MTRR: variants seen among roughly 807,000 people sequenced by gnomAD.
MTRR encodes methionine synthase reductase.
In MTRR, 63 loss-of-function variants were observed where a neutral mutation model predicts 79.2. That is an observed-to-expected ratio of 0.80 (90% confidence interval 0.65 to 0.98). The LOEUF (loss-of-function observed/expected upper bound fraction) is 0.98. Ranked by LOEUF, MTRR falls within the 50% of genes least tolerant of loss-of-function variation. MTRR has a pLI of 0.00. For missense variants in MTRR, 895 were observed against 839.6 expected (o/e 1.07, Z -0.82); for synonymous variants, 355 against 313.3 (o/e 1.13, Z -1.41).
At chr5:7,885,979 C>G in intron 7 of MTRR, 125 bp downstream of exon 7, 1 of 1,282,680 alleles carries the variant, frequency 7.8e-7, no homozygotes, top group South Asian at 1.2e-5. Context: ...GGCTCAGCTG[C>G]GCATCAAGGT....
upstream of MTRR, chr5:7,850,970 TG>T (rs1393397305): frequency 7.6e-7 from 1 of 1,320,534 alleles, no homozygotes; most frequent in East Asian, 2.9e-5. Flanking sequence ...GGCGGCGGCC[TG>T]GGCTTGCCCC....
chr5:7,869,133 C>T, upstream of MTRR: 1 of 1,613,478 alleles, frequency 6.2e-7, no homozygotes, highest in South Asian at 1.1e-5. Flanking sequence ...GGGTACCGAG[C>T]ATGGGCGCTG....
In MTRR at chr5:7,896,947, A is replaced by T. The variant is rs773855624; in HGVS notation, c.1760A>T (p.Tyr587Phe). Residue 587 changes from tyrosine to phenylalanine, a missense_variant, in exon 13 of 15, where the codon TAT becomes TTT. By Grantham distance (22) the Tyr-to-Phe change is conservative. Coordinates refer to ENST00000440940, the MANE Select transcript of MTRR (RefSeq NM_002454.3). ...GGCTGCAGGCATAAGGATAGGGATT[A>T]TCTATTCAGGTATTGTACAATTCCA... is the stretch of plus-strand genomic sequence containing the variant. ...FFGCRHKDRD[Y>F]LFRKELRHFL... 6.2e-7 allele frequency: 1 copy of T among 1,614,074 alleles called. No homozygotes were observed. Among genetic ancestry groups the T allele is most frequent in the Admixed American group, 1.7e-5 (1 of 60,026 alleles).
intron 5 of MTRR, among the ~76,000 whole-genome samples, 157 bp from the exon 6 acceptor site, chr5:7,882,998 G>A (rs374717267): frequency 1.3e-5 from 2 of 152,286 alleles, no homozygotes. Context: ...CTTCTGAAAA[G>A]CTAGCTCCAT....
At chr5:7,887,881 A>T (rs1467593174) in intron 8 of MTRR, among the ~76,000 whole-genome samples, 1 of 146,256 alleles carries the variant, frequency 6.8e-6, no homozygotes. Context: ...GGATACAGAA[A>T]TAACCCAGGA....
At chr5:7,869,430 G>A (rs1031862411) in intron 1 of MTRR, 32 of 579,662 alleles carry the variant, frequency 5.5e-5, no homozygotes, top group Non-Finnish European at 7.3e-5. Context: ...CCTTGGGCTC[G>A]GCGTCGGCCT....
In MTRR at chr5:7,889,091, G is replaced by T; in HGVS notation, c.1147-4G>T. ...CACAATTTAAGGCGGGCTCCTTTTT[G>T]TAGGCATTTTTGCGAGCCCTTGTGG... On this transcript the variant is annotated splice_region_variant and splice_polypyrimidine_tract_variant and intron_variant, in intron 8 of 14. Transcript: ENST00000440940. The T allele has an allele frequency of 6.2e-7, 1 of 1,614,072 alleles. No homozygotes were observed. The highest frequency in any genetic ancestry group is 2.2e-5 in the East Asian group (1 of 44,878).
chr5:7,892,131 C>T (rs1172297194), intron 10 of MTRR, among the ~76,000 whole-genome samples: 2 of 152,198 alleles, frequency 1.3e-5, no homozygotes, highest in African/African-American at 4.8e-5. Context: ...TACCGTTTTC[C>T]CGTCTGGCTC....
At chr5:7,853,235 C>T (rs1370132560) in intron 1 of MTRR, among the ~76,000 whole-genome samples, 1 of 152,138 alleles carries the variant, frequency 6.6e-6, no homozygotes, top group African/African-American at 2.4e-5. Context: ...CTCACAGGAT[C>T]TGATGGTTTT....
Position 7,886,673 on chromosome 5 carries a change from G to A in MTRR, c.1116G>A (p.Trp372Ter). Residue 372 changes from tryptophan (W) to a stop codon, truncating the protein, a stop_gained, in exon 8 of 15, where the codon TGG becomes TGA. Coordinates refer to ENST00000440940, the MANE Select transcript of MTRR (RefSeq NM_002454.3). LOFTEE classifies it high-confidence loss of function. The part of the protein sequence containing the change: ...AGCSLQFIFT[W>*]CLEIRAIPKK... ...GTTCTCTCCAGTTCATTTTTACCTG[G>A]TGTCTTGAAATCCGAGCAATTCCTA... is the stretch of plus-strand genomic sequence containing the variant. The A allele has an allele frequency of 5.6e-6, 9 of 1,613,786 alleles. No homozygotes were observed. The highest frequency in any genetic ancestry group is 7.6e-6 in the Non-Finnish European group (9 of 1,179,794).
At chr5:7,865,853 C>G (rs371910336), upstream of MTRR, 16 of 1,426,142 alleles carry the variant, frequency 1.1e-5, no homozygotes, top group Non-Finnish European at 1.4e-5. Context: ...TAAAAGGAAA[C>G]TGCACCCATG....
At chr5:7,867,343 T>G (rs1343135814), upstream of MTRR, 5 of 1,613,970 alleles carry the variant, frequency 3.1e-6, no homozygotes, top group Non-Finnish European at 4.2e-6. Flanking sequence ...ATGTTTCCAA[T>G]TTTTCACCTT....
At chr5:7,875,852 T>G (rs1363357551) in intron 4 of MTRR, among the ~76,000 whole-genome samples, 1 of 152,246 alleles carries the variant, frequency 6.6e-6, no homozygotes, top group African/African-American at 2.4e-5. Flanking sequence ...GAACGGCCAT[T>G]TGCCACCATG....
intron 1 of MTRR, among the ~76,000 whole-genome samples, chr5:7,859,750 A>G (rs1746397142): frequency 1.3e-5 from 2 of 152,240 alleles, no homozygotes; most frequent in African/African-American, 4.8e-5. Flanking sequence ...TATTTGATGA[A>G]TTAATATGTA....
upstream of MTRR, chr5:7,866,715 G>A: frequency 6.2e-7 from 1 of 1,612,844 alleles, no homozygotes; most frequent in Non-Finnish European, 8.5e-7. Context: ...CATTCATTAA[G>A]TGAACATGAA....
At chr5:7,880,567 A>G (rs972192172) in intron 5 of MTRR, among the ~76,000 whole-genome samples, 2 of 152,166 alleles carry the variant, frequency 1.3e-5, no homozygotes, top group African/African-American at 4.8e-5. Flanking sequence ...TGGAGATACG[A>G]TAGAGACCAT....
chr5:7,878,249 C>T lies in MTRR; in HGVS notation c.707C>T (p.Ser236Leu), dbSNP rs765634416. The T allele has an allele frequency of 2.1e-5, 34 of 1,614,112 alleles. No homozygotes were observed. Among genetic ancestry groups the T allele is most frequent in the Non-Finnish European group, 2.8e-5 (33 of 1,180,046 alleles). ...CTTACCCGTTCGGTACCCCCACTCT[C>T]ACAAGCCTCTCTGAATATTCCTGGT... ...SSLTRSVPPL[S>L]QASLNIPGLP... Residue 236 changes from serine (S) to leucine (L), a missense_variant, in exon 5 of 15, where the codon TCA (serine) becomes TTA (leucine). Coordinates refer to ENST00000440940, the MANE Select transcript of MTRR (RefSeq NM_002454.3).
upstream of MTRR, chr5:7,850,998 G>A: frequency 7.8e-7 from 1 of 1,284,446 alleles, no homozygotes; most frequent in Non-Finnish European, 9.8e-7. Context: ...TGGACGCGGT[G>A]GTCTCCTCCT....
chr5:7,899,025 G>T (rs564815990), intron 14 of MTRR, among the ~76,000 whole-genome samples: 1 of 152,244 alleles, frequency 6.6e-6, no homozygotes, highest in East Asian at 1.9e-4. Flanking sequence ...CAAAGGGGGA[G>T]CAGGCACCTC....
Sources: allele counts gnomAD v4.1 joint callset (sites outside exome capture counted in the v4.1 genomes callset), GRCh38; gene constraint gnomAD v4.1.1; transcripts MANE v1.5; gene names NCBI Gene and HGNC (gene_info 2026-07-23, HGNC 2026-07-21).